Variants in SRPK2 observed in about 807,000 individuals in gnomAD.
The protein encoded by SRPK2 is SRSF protein kinase 2, also known as SFRS protein kinase 2.
A neutral mutation model predicts 90.8 loss-of-function variants in SRPK2; 21 were observed. The observed-to-expected ratio is 0.23, with a 90% CI of 0.16 to 0.33. SRPK2 has a LOEUF of 0.33. Among genes scored for constraint, SRPK2 ranks in the 10% least tolerant of loss-of-function variants. SRPK2 has a pLI of 1.00. For missense variants in SRPK2, 620 were observed against 869.0 expected (o/e 0.71, Z 3.60); for synonymous variants, 288 against 311.1 (o/e 0.93, Z 0.78).
chr7:105,379,733 C>T (rs1055647118), intron 2 of SRPK2, among the ~76,000 whole-genome samples: 7 of 152,022 alleles, frequency 4.6e-5, no homozygotes, highest in African/African-American at 1.7e-4. Context: ...AATCCCAGCA[C>T]TTTGGGAAGC....
chr7:105,171,371 C>G (rs368040603), intron 3 of SRPK2, among the ~76,000 whole-genome samples: 7 of 152,200 alleles, frequency 4.6e-5, no homozygotes, highest in Non-Finnish European at 8.8e-5. Context: ...TTTTCAATTT[C>G]TTCAATTTTT....
At chr7:105,268,351 T>G (rs1357400893) in intron 2 of SRPK2, among the ~76,000 whole-genome samples, 1 of 152,200 alleles carries the variant, frequency 6.6e-6, no homozygotes, top group Non-Finnish European at 1.5e-5. Flanking sequence ...TGGCACTCCC[T>G]TACCATATAA....
At chr7:105,289,770 ATTGT>A (rs1298639306) in intron 2 of SRPK2, among the ~76,000 whole-genome samples, 2 of 152,020 alleles carry the variant, frequency 1.3e-5, no homozygotes, top group Non-Finnish European at 2.9e-5. Context: ...TACTTGTCTA[ATTGT>A]TTGTCATAAG....
intron 2 of SRPK2, among the ~76,000 whole-genome samples, chr7:105,207,629 T>C (rs1274923067): frequency 6.6e-6 from 1 of 152,152 alleles, no homozygotes; most frequent in Non-Finnish European, 1.5e-5. Context: ...CATACTCATA[T>C]GCAAAATAAA....
intron 2 of SRPK2, among the ~76,000 whole-genome samples, chr7:105,319,645 G>C (rs1020394573): frequency 6.6e-6 from 1 of 151,932 alleles, no homozygotes; most frequent in African/African-American, 2.4e-5. Flanking sequence ...CCTTGTGGAG[G>C]ATCCATAAGC....
At chr7:105,316,217 GC>G (rs1812296353) in intron 2 of SRPK2, among the ~76,000 whole-genome samples, 1 of 152,074 alleles carries the variant, frequency 6.6e-6, no homozygotes, top group African/African-American at 2.4e-5. Context: ...TAGAGACTCA[GC>G]CTCCCAAAAT....
At chr7:105,244,750 G>C (rs557990354) in intron 2 of SRPK2, 1 of 1,047,724 alleles carries the variant, frequency 9.5e-7, no homozygotes, top group East Asian at 2.4e-5. Flanking sequence ...GCGGGCGTCT[G>C]ACCAAACACA....
chr7:105,125,083 T>C (rs570708845), intron 15 of SRPK2, among the ~76,000 whole-genome samples: 3 of 148,292 alleles, frequency 2.0e-5, no homozygotes, highest in African/African-American at 7.5e-5. Flanking sequence ...TGAGCTAAGA[T>C]TGCGCCACTC....
chr7:105,327,823 C>T (rs1344940514), intron 2 of SRPK2, among the ~76,000 whole-genome samples: 2 of 152,166 alleles, frequency 1.3e-5, no homozygotes, highest in Non-Finnish European at 2.9e-5. Context: ...TTTTTTGAGA[C>T]GGAGTCTCGC....
chr7:105,238,191 C>T (rs1248167374), intron 2 of SRPK2, among the ~76,000 whole-genome samples: 3 of 152,152 alleles, frequency 2.0e-5, no homozygotes, highest in African/African-American at 7.2e-5. Flanking sequence ...GCAGATGGCC[C>T]CTGAAAGGTG....
intron 7 of SRPK2, among the ~76,000 whole-genome samples, chr7:105,158,280 A>C (rs2129581203): frequency 6.9e-6 from 1 of 145,956 alleles, no homozygotes; most frequent in African/African-American, 2.5e-5. Context: ...CCTGAGATGG[A>C]GTCTTGTTCT....
Position 105,157,557 on chromosome 7 carries a change from GA to G in SRPK2, c.621+2949del, listed in dbSNP as rs368142400. Reference sequence around the variant, plus strand: ...TGAAAGTTCTGCGTAAGCTTAGGGGGAAAAAATCCAGATTCCATGATAATAT... The same window carrying G: ...TGAAAGTTCTGCGTAAGCTTAGGGGGAAAAATCCAGATTCCATGATAATAT... On this transcript the variant is annotated intron_variant, in intron 7 of 15. Coordinates refer to ENST00000393651, the MANE Select transcript of SRPK2 (RefSeq NM_182692.3). Among the ~76,000 whole-genome samples, 8 of 152,134 alleles carry G rather than the reference GA, an allele frequency of 5.3e-5. No individual in the cohort carries two copies. The East Asian group carries it at 1.5e-3, about 29-fold the overall frequency.
At chr7:105,216,655 CAAAAA>C (rs11337476) in intron 2 of SRPK2, among the ~76,000 whole-genome samples, 1 of 130,686 alleles carries the variant, frequency 7.7e-6, no homozygotes, top group Non-Finnish European at 1.7e-5. Flanking sequence ...ACCCTGTCTC[CAAAAA>C]AAAAAAAAAA....
rs1236469046 is a variant in SRPK2 at position 105,172,745 on chromosome 7, A to G, written c.230-3480T>C. Among the ~76,000 whole-genome samples, 3 of 152,208 alleles carry G rather than the reference A, an allele frequency of 2.0e-5. No individual in the cohort carries two copies. The East Asian group carries it at 5.8e-4, about 29-fold the overall frequency. On this transcript the variant is annotated intron_variant, in intron 3 of 15. Transcript: ENST00000393651. The stretch of plus-strand genomic sequence containing the variant: ...TAAGAAATACACTCCAATTTTAATA[A>G]CTAGAGGACTGCTTCCTGGTCTTAG...
At chr7:105,229,853 G>A (rs953355796) in intron 2 of SRPK2, among the ~76,000 whole-genome samples, 2 of 152,210 alleles carry the variant, frequency 1.3e-5, no homozygotes, top group African/African-American at 4.8e-5. Flanking sequence ...AAGCTGAGTC[G>A]CTGTCCCAGG....
chr7:105,141,404 C>T (rs145812668), intron 11 of SRPK2, among the ~76,000 whole-genome samples: 1 of 152,234 alleles, frequency 6.6e-6, no homozygotes, highest in African/African-American at 2.4e-5. Context: ...TTGGCATTCA[C>T]TCCCAAAATA....
intron 2 of SRPK2, among the ~76,000 whole-genome samples, chr7:105,303,907 C>G (rs1810864710): frequency 6.6e-6 from 1 of 152,166 alleles, no homozygotes; most frequent in African/African-American, 2.4e-5. Context: ...GCAGTTACAA[C>G]CTGTTCACTG....
intron 2 of SRPK2, among the ~76,000 whole-genome samples, chr7:105,300,583 C>T (rs971980347): frequency 6.6e-6 from 1 of 152,142 alleles, no homozygotes; most frequent in Non-Finnish European, 1.5e-5. Context: ...GTACAACCTA[C>T]AGAATGGGAG....
intron 2 of SRPK2, among the ~76,000 whole-genome samples, chr7:105,277,765 AC>A (rs2130744781): frequency 6.6e-6 from 1 of 152,294 alleles, no homozygotes; most frequent in South Asian, 2.1e-4. Context: ...TTTTATCCCC[AC>A]CCATCAAAAT....
Sources: allele counts gnomAD v4.1 joint callset (sites outside exome capture counted in the v4.1 genomes callset), GRCh38; gene constraint gnomAD v4.1.1; transcripts MANE v1.5; gene names NCBI Gene and HGNC (gene_info 2026-07-23, HGNC 2026-07-21).